The following UTRN variants were observed in gnomAD, a reference collection of about 807,000 sequenced individuals.
The protein encoded by UTRN is utrophin.
In UTRN, 283 loss-of-function variants were observed where a neutral mutation model predicts 463.9. The observed-to-expected ratio is 0.61, with a 90% CI of 0.55 to 0.67. The LOEUF (loss-of-function observed/expected upper bound fraction) is 0.67, where lower values mean the gene tolerates loss of function less well. Ranked by LOEUF, UTRN falls within the 30% of genes least tolerant of loss-of-function variation. The probability of loss-of-function intolerance (pLI) is 0.00; values close to 1 mark genes in which losing one functional copy is unlikely to be tolerated. For missense variants in UTRN, 3,922 were observed against 4,084.3 expected, an observed-to-expected ratio of 0.96 and a Z score of 1.08; for synonymous variants, 1,442 against 1,431.5, an observed-to-expected ratio of 1.01 and a Z score of -0.17.
chr6:144,499,818 C>A (rs533606350), intron 34 of UTRN, among the ~76,000 whole-genome samples: 1 of 152,138 alleles, frequency 6.6e-6, no homozygotes, highest in South Asian at 2.1e-4. Context: ...TTCTTTATGG[C>A]CTTGCGTACC....
At chr6:144,413,500 T>C (rs1478740159) in intron 3 of UTRN, among the ~76,000 whole-genome samples, 2 of 152,160 alleles carry the variant, frequency 1.3e-5, no homozygotes, top group Admixed American at 6.5e-5. Flanking sequence ...TAAGATCTCA[T>C]GAGACTTGTT....
intron 50 of UTRN, among the ~76,000 whole-genome samples, chr6:144,568,205 A>G (rs2128620658): frequency 6.6e-6 from 1 of 152,156 alleles, no homozygotes; most frequent in Admixed American, 6.5e-5. Context: ...TTCTTGCAGT[A>G]AAGACTTTTA....
At chr6:144,655,737 T>C (rs1779251733) in intron 51 of UTRN, among the ~76,000 whole-genome samples, 1 of 152,204 alleles carries the variant, frequency 6.6e-6, no homozygotes, top group South Asian at 2.1e-4. Flanking sequence ...TTGTCTTTAG[T>C]GGGAAGGGTG....
At chr6:144,676,131 T>C (rs920006120) in intron 51 of UTRN, among the ~76,000 whole-genome samples, 6 of 152,042 alleles carry the variant, frequency 3.9e-5, no homozygotes, top group African/African-American at 1.2e-4. Flanking sequence ...TGCAATTGTT[T>C]TGGATAAATC....
intron 3 of UTRN, among the ~76,000 whole-genome samples, chr6:144,412,751 T>C (rs190539912): frequency 0.011 from 1,330 of 126,394 alleles, 19 homozygotes; most frequent in African/African-American, 0.032. Flanking sequence ...TATATATATA[T>C]ACACACACCA....
At chr6:144,764,692 AAAAT>A (rs1320488931) in intron 58 of UTRN, among the ~76,000 whole-genome samples, 1 of 152,234 alleles carries the variant, frequency 6.6e-6, no homozygotes, top group Non-Finnish European at 1.5e-5. Context: ...TTAAAATTGT[AAAAT>A]AAATAGAAAT....
intron 55 of UTRN, among the ~76,000 whole-genome samples, chr6:144,748,948 C>G (rs1469352924): frequency 3.9e-5 from 6 of 152,038 alleles, no homozygotes; most frequent in Admixed American, 6.6e-5. Context: ...ATGGTATAGT[C>G]TCCAGGTTCC....
intron 51 of UTRN, chr6:144,583,737 T>G (rs1802201263): frequency 4.5e-6 from 2 of 441,138 alleles, no homozygotes; most frequent in Non-Finnish European, 4.1e-6. Context: ...GCTGTTAAAG[T>G]GAATTGCATA....
At chr6:144,386,054 G>T (rs779735767) in intron 2 of UTRN, among the ~76,000 whole-genome samples, 2 of 152,160 alleles carry the variant, frequency 1.3e-5, no homozygotes, top group Non-Finnish European at 2.9e-5. Flanking sequence ...CATGAAGGAA[G>T]TCATTAGGAA....
At chr6:144,584,119 T>TC (rs1230832892) in intron 51 of UTRN, among the ~76,000 whole-genome samples, 1 of 152,202 alleles carries the variant, frequency 6.6e-6, no homozygotes, top group Non-Finnish European at 1.5e-5. Flanking sequence ...TTCTTAAATC[T>TC]CCATATATTA....
chr6:144,299,378 AC>A (rs1805033921), intron 2 of UTRN, among the ~76,000 whole-genome samples: 2 of 152,336 alleles, frequency 1.3e-5, no homozygotes, highest in South Asian at 4.1e-4. Flanking sequence ...TATTATTTCT[AC>A]TTATAAACAC....
chr6:144,771,680 C>T (rs1207851709), intron 58 of UTRN, among the ~76,000 whole-genome samples: 5 of 152,008 alleles, frequency 3.3e-5, no homozygotes, highest in Non-Finnish European at 7.4e-5. Context: ...CCTGCCTCGG[C>T]CTCCCAAAGT....
intron 23 of UTRN, among the ~76,000 whole-genome samples, chr6:144,464,521 A>G (rs925604112): frequency 1.3e-5 from 2 of 150,648 alleles, no homozygotes; most frequent in African/African-American, 4.9e-5. Context: ...TTTTTTTGAG[A>G]TGGAGTCTTG....
chr6:144,485,763 G>A (rs1379611697), intron 28 of UTRN, among the ~76,000 whole-genome samples: 1 of 152,198 alleles, frequency 6.6e-6, no homozygotes, highest in African/African-American at 2.4e-5. Flanking sequence ...TTTTAGACAT[G>A]TTGAAGCACT....
intron 2 of UTRN, among the ~76,000 whole-genome samples, chr6:144,325,036 A>AT (rs1404931232): frequency 2.0e-5 from 3 of 152,078 alleles, no homozygotes; most frequent in Non-Finnish European, 4.4e-5. Flanking sequence ...AGATTTATAT[A>AT]TTTTTTCTGG....
At chr6:144,361,116 C>G (rs994547382) in intron 2 of UTRN, among the ~76,000 whole-genome samples, 10 of 152,148 alleles carry the variant, frequency 6.6e-5, no homozygotes, top group African/African-American at 2.4e-4. Context: ...ATGCTGCTTC[C>G]CAGGGTGTCC....
At chr6:144,447,805 G>A in intron 16 of UTRN, 24 bp downstream of exon 16, 1 of 1,580,720 alleles carries the variant, frequency 6.3e-7, no homozygotes, top group East Asian at 2.3e-5. Context: ...TGGATCATAT[G>A]TTGTGCCATG....
At chr6:144,705,298 C>G (rs568134993) in intron 53 of UTRN, among the ~76,000 whole-genome samples, 119 of 152,202 alleles carry the variant, frequency 7.8e-4, no homozygotes, top group African/African-American at 2.6e-3. Context: ...CTGGGTGACC[C>G]TGAAAAAGTC....
chr6:144,827,567 A>T, intron 67 of UTRN, 44 bp from the exon 68 acceptor site: 1 of 1,610,228 alleles, frequency 6.2e-7, no homozygotes, highest in South Asian at 1.1e-5. Flanking sequence ...AACACCTATC[A>T]ATATTTGGGC....
Sources: gnomAD v4.1 joint callset for allele counts (sites outside exome capture counted in the v4.1 genomes callset) on GRCh38, gnomAD v4.1.1 for gene constraint, MANE v1.5 for transcripts, NCBI Gene and HGNC (gene_info 2026-07-23, HGNC 2026-07-21) for gene names.